The following BCO1 variants were observed in gnomAD, a reference collection of about 807,000 sequenced individuals.
The protein encoded by BCO1 is beta-carotene oxygenase 1.
Under a neutral mutation model 56.3 loss-of-function variants are expected in BCO1, and 54 were observed. The observed-to-expected ratio is 0.96, with a 90% confidence interval of 0.77 to 1.20. The LOEUF (loss-of-function observed/expected upper bound fraction) is 1.20, where lower values mean the gene tolerates loss of function less well. BCO1 is among the 50% of genes most tolerant of loss of function. The probability of loss-of-function intolerance (pLI) is 0.00; values close to 1 mark genes in which losing one functional copy is unlikely to be tolerated. For synonymous variants in BCO1, 318 were observed against 266.1 expected, an observed-to-expected ratio of 1.20 and a Z score of -1.90; for missense variants, 801 against 690.9, an observed-to-expected ratio of 1.16 and a Z score of -1.79.
intron 8 of BCO1, among the ~76,000 whole-genome samples, chr16:81,284,835 TTTTC>T (rs545209664): frequency 9.3e-5 from 14 of 150,166 alleles, no homozygotes; most frequent in African/African-American, 3.0e-4. Context: ...TTTTCTTTTC[TTTTC>T]TTTTTTTTTT....
Position 81,249,616 on chromosome 16 carries a change from G to A in BCO1, c.193+4013G>A, listed in dbSNP as rs1014976410. On this transcript the variant is annotated intron_variant, in intron 2 of 10. Transcript: ENST00000258168. The stretch of plus-strand genomic sequence containing the variant: ...GGGTTTCATCATGTTGGCCAGGCCG[G>A]TCTCGAACTCCTGACCTCAGGTGAT... 1.4e-4 allele frequency among the ~76,000 whole-genome samples: 22 copies of A among 152,064 alleles called. 1 individual carries two copies. Among genetic ancestry groups the A allele is most frequent in the Middle Eastern group, 3.4e-3 (1 of 294 alleles).
intron 8 of BCO1, among the ~76,000 whole-genome samples, chr16:81,283,529 C>T (rs1332385675): frequency 1.3e-5 from 2 of 151,830 alleles, no homozygotes; most frequent in Non-Finnish European, 2.9e-5. Context: ...TGAGAGGGGC[C>T]CAGGAACATC....
chr16:81,265,433 C>T (rs541907250), intron 5 of BCO1, among the ~76,000 whole-genome samples: 20 of 151,610 alleles, frequency 1.3e-4, no homozygotes, highest in Admixed American at 7.9e-4. Flanking sequence ...CACCATCCAT[C>T]CATTCATCCA....
At chr16:81,262,443 G>A in intron 4 of BCO1, 160 bp downstream of exon 4, 1 of 740,362 alleles carries the variant, frequency 1.4e-6, no homozygotes, top group Non-Finnish European at 2.4e-6. Flanking sequence ...ACTGCTAGAT[G>A]CTAGGCAGGG....
chr16:81,265,681 CCCACCATCCAT>C (rs1334816735), intron 5 of BCO1, among the ~76,000 whole-genome samples: 1 of 150,738 alleles, frequency 6.6e-6, no homozygotes, highest in African/African-American at 2.4e-5. Context: ...CATCCGTCCA[CCCACCATCCAT>C]CCACCATCCA....
intron 7 of BCO1, among the ~76,000 whole-genome samples, chr16:81,272,602 A>G (rs542934336): frequency 6.6e-6 from 1 of 152,242 alleles, no homozygotes; most frequent in Admixed American, 6.5e-5. Context: ...GCCAGACATT[A>G]TCCCCAATTA....
At chr16:81,245,404 C>T in intron 1 of BCO1, 71 bp from the exon 2 acceptor site, 1 of 1,611,600 alleles carries the variant, frequency 6.2e-7, no homozygotes, top group Non-Finnish European at 8.5e-7. Flanking sequence ...AAATTCCTTT[C>T]CATGACCATT....
chr16:81,266,144 G>T (rs2151939487), intron 5 of BCO1, among the ~76,000 whole-genome samples: 1 of 152,322 alleles, frequency 6.6e-6, no homozygotes, highest in South Asian at 2.1e-4. Context: ...AGTTTCCAGG[G>T]CTGTTTAGGG....
chr16:81,250,275 T>G (rs1010805932), intron 2 of BCO1, among the ~76,000 whole-genome samples: 5 of 152,150 alleles, frequency 3.3e-5, no homozygotes, highest in Non-Finnish European at 7.4e-5. Context: ...GTCCTAACCA[T>G]TGTGCAATTC....
intron 2 of BCO1, among the ~76,000 whole-genome samples, chr16:81,256,879 C>T (rs1379264099): frequency 1.3e-5 from 2 of 151,498 alleles, no homozygotes; most frequent in African/African-American, 4.9e-5. Context: ...CAGAGTGACT[C>T]CATCTCAAAA....
At chr16:81,240,373 C>T (rs186699714) in intron 1 of BCO1, among the ~76,000 whole-genome samples, 1 of 151,778 alleles carries the variant, frequency 6.6e-6, no homozygotes, top group East Asian at 1.9e-4. Context: ...TTTTTTTTCT[C>T]AATTTGACTG....
rs146949793 is a variant in BCO1 at position 81,251,834 on chromosome 16, CCA to C, written c.193+6247_193+6248del. On this transcript the variant is annotated intron_variant, in intron 2 of 10. Transcript: ENST00000258168. ...ATTGGAAAGTTTCTTTTATATATAC[CCA>C]CACACACACACACACGCACACACAC... Among the ~76,000 whole-genome samples the C allele has an allele frequency of 1.1e-3, 165 of 144,798 alleles. 1 individual carries two copies. Among genetic ancestry groups the C allele is most frequent in the African/African-American group, 3.5e-3 (134 of 38,356 alleles). 95.0% of individuals were successfully genotyped at this position (144,798 alleles called of 152,430 possible).
intron 7 of BCO1, among the ~76,000 whole-genome samples, chr16:81,270,661 T>C (rs1026969830): frequency 2.7e-5 from 4 of 149,606 alleles, no homozygotes; most frequent in African/African-American, 9.8e-5. Context: ...TGTGGATATA[T>C]ATGTTTGTCT....
chr16:81,277,439 T>G (rs543220482), intron 7 of BCO1, among the ~76,000 whole-genome samples: 1 of 152,228 alleles, frequency 6.6e-6, no homozygotes. Context: ...GCCTGCACGA[T>G]GTGTGTGGCC....
intron 1 of BCO1, 68 bp from the exon 2 acceptor site, chr16:81,245,407 T>C: frequency 1.2e-6 from 2 of 1,612,622 alleles, no homozygotes; most frequent in Non-Finnish European, 8.5e-7. Context: ...TTCCTTTCCA[T>C]GACCATTTCT....
chr16:81,240,046 C>T (rs569530846), intron 1 of BCO1, among the ~76,000 whole-genome samples: 36 of 151,718 alleles, frequency 2.4e-4, no homozygotes, highest in Non-Finnish European at 4.6e-4. Context: ...TGAGCAATTG[C>T]CTTGGGAGTC....
chr16:81,249,037 C>T (rs1050977911), intron 2 of BCO1, among the ~76,000 whole-genome samples: 7 of 151,794 alleles, frequency 4.6e-5, no homozygotes, highest in African/African-American at 1.7e-4. Context: ...AGTGGTTTTC[C>T]TTCCATGAGG....
At chr16:81,262,315 C>G (rs763233403) in intron 4 of BCO1, 32 bp downstream of exon 4, 2 of 1,604,244 alleles carry the variant, frequency 1.2e-6, no homozygotes, top group Non-Finnish European at 1.7e-6. Context: ...GCATCACTTC[C>G]TGACTCAAGA....
At chr16:81,247,297 A>T (rs1433103546) in intron 2 of BCO1, among the ~76,000 whole-genome samples, 3 of 151,990 alleles carry the variant, frequency 2.0e-5, no homozygotes, top group African/African-American at 7.2e-5. Flanking sequence ...TCCCCTGGAG[A>T]GCTGTTGGGA....
Sources: allele counts gnomAD v4.1 joint callset (sites outside exome capture counted in the v4.1 genomes callset), GRCh38; gene constraint gnomAD v4.1.1; transcripts MANE v1.5; gene names NCBI Gene and HGNC (gene_info 2026-07-23, HGNC 2026-07-21).